Variants in HS6ST1 observed in about 807,000 individuals in gnomAD.
The protein encoded by HS6ST1 is heparan sulfate 6-O-sulfotransferase 1.
A neutral mutation model predicts 25.2 loss-of-function variants in HS6ST1; 3 were observed. That is an observed-to-expected ratio of 0.12 (90% CI 0.05 to 0.31). The LOEUF (loss-of-function observed/expected upper bound fraction) is 0.31. HS6ST1 is among the 10% of genes least tolerant of loss of function. The probability of loss-of-function intolerance (pLI) is 1.00; values close to 1 mark genes in which losing one functional copy is unlikely to be tolerated. For missense variants in HS6ST1, 310 were observed against 609.6 expected, an observed-to-expected ratio of 0.51 and a Z score of 5.18; for synonymous variants, 204 against 275.1, an observed-to-expected ratio of 0.74 and a Z score of 2.56.
chr2:128,270,045 C>T (rs1031969945), intron 1 of HS6ST1, among the ~76,000 whole-genome samples: 1 of 152,214 alleles, frequency 6.6e-6, no homozygotes, highest in Non-Finnish European at 1.5e-5. Flanking sequence ...GCAGGCCACC[C>T]CCGCCTATGA....
intron 1 of HS6ST1, among the ~76,000 whole-genome samples, chr2:128,313,207 A>G (rs1008847909): frequency 2.0e-5 from 3 of 152,200 alleles, no homozygotes; most frequent in African/African-American, 7.2e-5. Flanking sequence ...AGACATTCAG[A>G]CTATTCAACT....
chr2:128,284,051 G>A (rs1693824817), intron 1 of HS6ST1, among the ~76,000 whole-genome samples: 1 of 152,148 alleles, frequency 6.6e-6, no homozygotes, highest in African/African-American at 2.4e-5. Flanking sequence ...TCAGACCCAC[G>A]GGGCAGCCCC....
chr2:128,309,911 G>A (rs1194359892), intron 1 of HS6ST1, among the ~76,000 whole-genome samples: 1 of 152,206 alleles, frequency 6.6e-6, no homozygotes, highest in East Asian at 1.9e-4. Flanking sequence ...CATAAGACAT[G>A]GACACAGTCC....
intron 1 of HS6ST1, among the ~76,000 whole-genome samples, chr2:128,283,916 A>C (rs1693823200): frequency 6.6e-6 from 1 of 152,178 alleles, no homozygotes; most frequent in South Asian, 2.1e-4. Flanking sequence ...ATTTGGATAC[A>C]AAAATGGCAA....
intron 1 of HS6ST1, among the ~76,000 whole-genome samples, chr2:128,307,523 A>G (rs1694231524): frequency 6.6e-6 from 1 of 152,210 alleles, no homozygotes; most frequent in Non-Finnish European, 1.5e-5. Context: ...AGCGGGGAGC[A>G]TGCTACCCAT....
intron 1 of HS6ST1, among the ~76,000 whole-genome samples, chr2:128,278,223 G>A (rs1168436263): frequency 6.6e-6 from 1 of 152,278 alleles, no homozygotes; most frequent in Admixed American, 6.5e-5. Context: ...CACTCCTCCA[G>A]TGGGTCATGC....
At chr2:128,317,157 CAG>C in intron 1 of HS6ST1, among the ~76,000 whole-genome samples, 1 of 152,348 alleles carries the variant, frequency 6.6e-6, no homozygotes, top group East Asian at 1.9e-4. Context: ...GCTGGAAACC[CAG>C]CAGCACCCCA....
At chr2:128,315,880 G>A (rs1206525578) in intron 1 of HS6ST1, among the ~76,000 whole-genome samples, 2 of 152,230 alleles carry the variant, frequency 1.3e-5, no homozygotes, top group African/African-American at 4.8e-5. Context: ...AGTGGAGGCG[G>A]AGAAGAGGGA....
chr2:128,292,567 C>A (rs1693973170), intron 1 of HS6ST1, among the ~76,000 whole-genome samples: 1 of 152,122 alleles, frequency 6.6e-6, no homozygotes, highest in African/African-American at 2.4e-5. Flanking sequence ...CCCACCCCTG[C>A]CTCAGGGAGG....
At chr2:128,295,739 C>A (rs1360757044) in intron 1 of HS6ST1, among the ~76,000 whole-genome samples, 1 of 152,036 alleles carries the variant, frequency 6.6e-6, no homozygotes, top group Non-Finnish European at 1.5e-5. Context: ...TGTAGTATGC[C>A]ACATTAACAG....
intron 1 of HS6ST1, among the ~76,000 whole-genome samples, chr2:128,299,718 A>G (rs7595689): frequency 0.57 from 87,245 of 152,130 alleles, 25,917 homozygotes; most frequent in East Asian, 0.79. Flanking sequence ...CTGCCTGGAA[A>G]GACCCCAGCT....
rs748969787 is a variant in HS6ST1 at position 128,285,120 on chromosome 2, G to C, written c.528-16250C>G. 3.0e-4 allele frequency among the ~76,000 whole-genome samples: 46 copies of C among 152,320 alleles called. 1 individual carries two copies. The highest frequency in any genetic ancestry group is 5.4e-4 in the Non-Finnish European group (37 of 68,014). The stretch of plus-strand genomic sequence containing the variant: ...TGCCTACTGCGTGCTCTAGGTCGCC[G>C]ACCACCAGCCAAGCCCTGGGGCAGC... On this transcript the variant is annotated intron_variant, in intron 1 of 1. Coordinates refer to ENST00000259241, the MANE Select transcript of HS6ST1 (RefSeq NM_004807.3).
chr2:128,285,559 G>A (rs747996965), intron 1 of HS6ST1, among the ~76,000 whole-genome samples: 54 of 151,990 alleles, frequency 3.6e-4, no homozygotes, highest in Non-Finnish European at 6.0e-4. Flanking sequence ...ACTGTGCAGG[G>A]AAGGTTCTAG....
intron 1 of HS6ST1, among the ~76,000 whole-genome samples, chr2:128,292,304 T>A (rs1216232823): frequency 2.0e-5 from 3 of 152,230 alleles, no homozygotes; most frequent in Non-Finnish European, 4.4e-5. Flanking sequence ...GGCAGGACCC[T>A]GGCTTGGAGC....
Position 128,268,313 on chromosome 2 carries a change from T to C in HS6ST1, c.1085A>G (p.Lys362Arg). 6.2e-7 allele frequency: 1 copy of C among 1,613,384 alleles called. No homozygotes were observed. Among genetic ancestry groups the C allele is most frequent in the Non-Finnish European group, 8.5e-7 (1 of 1,179,850 alleles). The change falls in exon 2 of 2, where the codon AAG becomes AGG. Residue 362 changes from lysine to arginine, a missense_variant. Coordinates refer to ENST00000259241, the MANE Select transcript of HS6ST1 (RefSeq NM_004807.3). The part of the protein sequence containing the change: ...KDLFQQRYQY[K>R]RQLERREQRL... Reference sequence around the variant, plus strand: ...CTGCTCCCTGCGCTCCAGCTGCCGCTTGTACTGGTAGCGCTGCTGGAAGAG... The same window carrying C: ...CTGCTCCCTGCGCTCCAGCTGCCGCCTGTACTGGTAGCGCTGCTGGAAGAG...
chr2:128,294,296 C>A (rs1299583458), intron 1 of HS6ST1, among the ~76,000 whole-genome samples: 1 of 152,160 alleles, frequency 6.6e-6, no homozygotes, highest in Non-Finnish European at 1.5e-5. Flanking sequence ...TCAGAGGGGG[C>A]ACAGGGCGGG....
intron 1 of HS6ST1, among the ~76,000 whole-genome samples, chr2:128,269,595 C>T (rs1328796804): frequency 6.6e-6 from 1 of 152,236 alleles, no homozygotes; most frequent in African/African-American, 2.4e-5. Context: ...GGACACTGGA[C>T]AGGTGGGTAA....
In HS6ST1 at chr2:128,266,426, C is replaced by T. The variant is rs1218035482; in HGVS notation, c.*1736G>A. 6.6e-6 allele frequency: 1 copy of T among 152,224 alleles called. No homozygotes were observed. The highest frequency in any genetic ancestry group is 1.5e-5 in the Non-Finnish European group (1 of 68,030). The allele number at this position is 152,224 out of a possible 1,614,324, so 9.4% of individuals were successfully genotyped here. On this transcript the variant is annotated 3_prime_UTR_variant, in exon 2 of 2. Coordinates refer to ENST00000259241, the MANE Select transcript of HS6ST1 (RefSeq NM_004807.3). ...GCGCGGCGCTGGCACGCTGTCCACCCTGCCCTGTTGACCATCCTGTCCTTG... is the reference window on the plus strand; with the variant it reads ...GCGCGGCGCTGGCACGCTGTCCACCTTGCCCTGTTGACCATCCTGTCCTTG...
intron 1 of HS6ST1, among the ~76,000 whole-genome samples, chr2:128,306,831 G>A (rs1050225068): frequency 2.0e-5 from 3 of 152,216 alleles, no homozygotes; most frequent in Non-Finnish European, 4.4e-5. Context: ...TGCGCCCGCA[G>A]CAGACGGTGC....
Sources: allele counts gnomAD v4.1 joint callset (sites outside exome capture counted in the v4.1 genomes callset), GRCh38; gene constraint gnomAD v4.1.1; transcripts MANE v1.5; gene names NCBI Gene and HGNC (gene_info 2026-07-23, HGNC 2026-07-21).